The following CDC42SE2 variants were observed in gnomAD, a reference collection of about 807,000 sequenced individuals.
The protein encoded by CDC42SE2 is CDC42 small effector protein 2.
In CDC42SE2, 3 loss-of-function variants were observed where a neutral mutation model predicts 11.5. That is an observed-to-expected ratio of 0.26 (90% CI 0.12 to 0.67). The LOEUF (loss-of-function observed/expected upper bound fraction) is 0.67, where lower values mean the gene tolerates loss of function less well. CDC42SE2 is among the 30% of genes least tolerant of loss of function. The pLI, the probability that CDC42SE2 is intolerant of heterozygous loss-of-function variation, is 0.80. For missense variants in CDC42SE2, 82 were observed against 106.8 expected, an observed-to-expected ratio of 0.77 and a Z score of 1.02; for synonymous variants, 33 against 34.8, an observed-to-expected ratio of 0.95 and a Z score of 0.18.
rs1383301401 is a variant in CDC42SE2, at chr5:131,338,602, C to T, written c.-285-20607C>T. Among the ~76,000 whole-genome samples the T allele has an allele frequency of 3.3e-5, 5 of 152,304 alleles. No individual in the cohort carries two copies. In the East Asian group the frequency reaches 9.6e-4, roughly 29 times the overall value. On this transcript the variant is annotated intron_variant, in intron 2 of 4. Transcript: ENST00000505065. Reference sequence around the variant, plus strand: ...ATTTTCTAAGCAATATATGTTTACTCATTTAATCCTCACATAAATCTTTGA... The same window carrying T: ...ATTTTCTAAGCAATATATGTTTACTTATTTAATCCTCACATAAATCTTTGA...
intron 1 of CDC42SE2, among the ~76,000 whole-genome samples, chr5:131,267,337 G>A (rs1463021854): frequency 1.3e-5 from 2 of 151,770 alleles, no homozygotes; most frequent in Admixed American, 1.3e-4. Flanking sequence ...GATTACAGGC[G>A]TGAGCCACCA....
chr5:131,391,501 A>ATCTC lies in CDC42SE2; in HGVS notation c.*412_*415dup, dbSNP rs1042751583. On this transcript the variant is annotated 3_prime_UTR_variant, in exon 5 of 5. Transcript: ENST00000505065. ...AGCCTGGCCAACATGGTGAAACCCC[A>ATCTC]TCTCTACTAAAAATACAAAAATTAG... 1 of 152,538 alleles carries ATCTC rather than the reference A, an allele frequency of 6.6e-6. No homozygotes were observed. The highest frequency in any genetic ancestry group is 1.5e-5 in the Non-Finnish European group (1 of 68,314). The allele number at this position is 152,538 out of a possible 1,614,324, so 9.4% of individuals were successfully genotyped here. A position where few individuals can be genotyped will look rare whatever the true frequency, so the allele number is the denominator to read the frequency against.
chr5:131,340,352 A>T (rs761617644), intron 2 of CDC42SE2, among the ~76,000 whole-genome samples: 1 of 152,148 alleles, frequency 6.6e-6, no homozygotes, highest in African/African-American at 2.4e-5. Context: ...TGTGCAGTGT[A>T]TCTACTCTAT....
At chr5:131,388,222 G>A (rs981938569) in intron 4 of CDC42SE2, among the ~76,000 whole-genome samples, 1 of 151,916 alleles carries the variant, frequency 6.6e-6, no homozygotes, top group Admixed American at 6.6e-5. Flanking sequence ...CTCAAACTCC[G>A]GACCTCCGGT....
At chr5:131,361,054 T>C (rs1749690364) in intron 3 of CDC42SE2, among the ~76,000 whole-genome samples, 1 of 150,854 alleles carries the variant, frequency 6.6e-6, no homozygotes, top group Non-Finnish European at 1.5e-5. Flanking sequence ...CATATGTAAA[T>C]CTTAGAGTTT....
chr5:131,223,973 G>A, the CDC42SE2 span, among the ~76,000 whole-genome samples: 3 of 152,114 alleles, frequency 2.0e-5, no homozygotes, highest in Non-Finnish European at 4.4e-5. Context: ...TTTATGACAC[G>A]GATCATTCCC....
chr5:131,329,922 A>G (rs1307283814), intron 2 of CDC42SE2, among the ~76,000 whole-genome samples: 12 of 136,526 alleles, frequency 8.8e-5, no homozygotes, highest in African/African-American at 3.0e-4. Context: ...AAAAAAAAAA[A>G]GAAGAAGCGC....
At chr5:131,285,272 G>C (rs1376241498) in intron 1 of CDC42SE2, among the ~76,000 whole-genome samples, 2 of 151,980 alleles carry the variant, frequency 1.3e-5, no homozygotes, top group South Asian at 4.2e-4. Flanking sequence ...GTGAGACCCT[G>C]TTGCTCCCCC....
At chr5:131,284,560 T>A (rs1273427194) in intron 1 of CDC42SE2, among the ~76,000 whole-genome samples, 2 of 152,138 alleles carry the variant, frequency 1.3e-5, no homozygotes, top group Non-Finnish European at 2.9e-5. Flanking sequence ...AACCTCGAAC[T>A]CCAGGGCTCA....
upstream of CDC42SE2, among the ~76,000 whole-genome samples, chr5:131,260,217 A>G (rs1421621004): frequency 6.6e-6 from 1 of 152,198 alleles, no homozygotes; most frequent in Non-Finnish European, 1.5e-5. Context: ...AGAGTCACCT[A>G]ACTAATTATG....
chr5:131,291,289 C>G (rs971177295), intron 1 of CDC42SE2, among the ~76,000 whole-genome samples: 1 of 152,008 alleles, frequency 6.6e-6, no homozygotes, highest in African/African-American at 2.4e-5. Flanking sequence ...CCTGGCAGTA[C>G]ACTAAAATAG....
At chr5:131,363,296 A>G (rs567817776) in intron 3 of CDC42SE2, among the ~76,000 whole-genome samples, 2 of 148,678 alleles carry the variant, frequency 1.3e-5, no homozygotes, top group South Asian at 2.1e-4. Flanking sequence ...TTTTCTATTC[A>G]TATTATTTGC....
the CDC42SE2 span, among the ~76,000 whole-genome samples, chr5:131,226,632 A>G: frequency 6.6e-6 from 1 of 152,202 alleles, no homozygotes; most frequent in African/African-American, 2.4e-5. Flanking sequence ...AAGCACCGCT[A>G]TGGTCCACCA....
intron 1 of CDC42SE2, among the ~76,000 whole-genome samples, chr5:131,292,456 C>G (rs1243622153): frequency 2.1e-5 from 3 of 144,772 alleles, no homozygotes; most frequent in Non-Finnish European, 3.0e-5. Context: ...TAATCCCAGC[C>G]ACTTGGGAGG....
intron 2 of CDC42SE2, among the ~76,000 whole-genome samples, chr5:131,325,603 C>T (rs62391420): frequency 1.3e-5 from 2 of 151,816 alleles, no homozygotes; most frequent in Non-Finnish European, 2.9e-5. Context: ...TCTATTTTAG[C>T]CTGAACAAAA....
rs114112262 is a variant in CDC42SE2, at chr5:131,297,963, G to A, written c.-454-18013G>A. Among the ~76,000 whole-genome samples the A allele has an allele frequency of 3.0e-3, 461 of 151,946 alleles. 2 individuals are homozygous for A. Among genetic ancestry groups the A allele is most frequent in the African/African-American group, 9.9e-3 (410 of 41,470 alleles). On this transcript the variant is annotated intron_variant, in intron 1 of 4. Coordinates refer to ENST00000505065, the MANE Select transcript of CDC42SE2 (RefSeq NM_001375635.1). Reference sequence around the variant, plus strand: ...CTTTAAAAAGTTAATACACGAAAACGTAATGTATTTAGCTATTTTTATGAG... The same window carrying A: ...CTTTAAAAAGTTAATACACGAAAACATAATGTATTTAGCTATTTTTATGAG...
At chr5:131,328,837 G>A (rs1008074504) in intron 2 of CDC42SE2, among the ~76,000 whole-genome samples, 3 of 152,226 alleles carry the variant, frequency 2.0e-5, no homozygotes, top group Admixed American at 1.3e-4. Context: ...TCAAATAGCC[G>A]CCACCTGGCA....
intron 1 of CDC42SE2, among the ~76,000 whole-genome samples, chr5:131,283,563 G>A (rs560728607): frequency 6.7e-6 from 1 of 149,152 alleles, no homozygotes; most frequent in South Asian, 2.1e-4. Context: ...GTGTGATCTC[G>A]GCCCACTGCA....
At chr5:131,282,794 A>G (rs905399573) in intron 1 of CDC42SE2, among the ~76,000 whole-genome samples, 3 of 150,246 alleles carry the variant, frequency 2.0e-5, no homozygotes, top group African/African-American at 4.9e-5. Flanking sequence ...ATGCCTGGCT[A>G]ATGTTTTTGT....
Sources: gnomAD v4.1 joint callset for allele counts (sites outside exome capture counted in the v4.1 genomes callset) on GRCh38, gnomAD v4.1.1 for gene constraint, MANE v1.5 for transcripts, NCBI Gene and HGNC (gene_info 2026-07-23, HGNC 2026-07-21) for gene names.